NRXN3: variants seen among roughly 807,000 people sequenced by gnomAD.
NRXN3 encodes neurexin III.
In NRXN3, 32 loss-of-function variants were observed where a neutral mutation model predicts 137.6. The observed-to-expected ratio is 0.23, with a 90% CI of 0.18 to 0.31. NRXN3 has a LOEUF of 0.31. NRXN3 is among the 10% of genes least tolerant of loss of function. The pLI is 1.00. For synonymous variants in NRXN3, 798 were observed against 784.5 expected, an observed-to-expected ratio of 1.02 and a Z score of -0.29; for missense variants, 1,574 against 2,062.5, an observed-to-expected ratio of 0.76 and a Z score of 4.59.
chr14:79,064,707 TA>T (rs1230460838), intron 15 of NRXN3, among the ~76,000 whole-genome samples: 13 of 122,558 alleles, frequency 1.1e-4, no homozygotes, highest in Non-Finnish European at 2.4e-4. Context: ...TACCCATATA[TA>T]TTTTTCATAA....
chr14:78,258,822 G>A (rs1011418947), intron 2 of NRXN3, among the ~76,000 whole-genome samples: 2 of 152,108 alleles, frequency 1.3e-5, no homozygotes, highest in African/African-American at 4.8e-5. Flanking sequence ...CTTCAATGTA[G>A]TGAGGTCTGT....
At chr14:79,091,419 G>C (rs1395714503) in intron 15 of NRXN3, among the ~76,000 whole-genome samples, 1 of 152,110 alleles carries the variant, frequency 6.6e-6, no homozygotes. Flanking sequence ...CAAAATAGAA[G>C]TTGCATCTGG....
intron 15 of NRXN3, among the ~76,000 whole-genome samples, chr14:79,211,858 A>C (rs1407779273): frequency 6.6e-6 from 1 of 152,156 alleles, no homozygotes; most frequent in Non-Finnish European, 1.5e-5. Flanking sequence ...ATTTGCAGAT[A>C]AGACTCCCCT....
At chr14:78,834,957 A>C (rs2098992290) in intron 10 of NRXN3, among the ~76,000 whole-genome samples, 10 of 143,278 alleles carry the variant, frequency 7.0e-5, no homozygotes, top group East Asian at 2.1e-4. Context: ...CTCCCAACCC[A>C]CCCCCAGTCC....
intron 10 of NRXN3, among the ~76,000 whole-genome samples, chr14:78,881,102 G>A (rs563336970): frequency 6.6e-6 from 1 of 151,590 alleles, no homozygotes. Context: ...AGAAGGATGT[G>A]TTTGCTTCCC....
chr14:79,508,686 C>T (rs373717186), intron 16 of NRXN3, among the ~76,000 whole-genome samples: 37 of 151,994 alleles, frequency 2.4e-4, no homozygotes, highest in African/African-American at 8.7e-4. Flanking sequence ...GCCACCGCGC[C>T]TGGCCTAAAA....
chr14:79,277,874 G>C (rs17109019), intron 15 of NRXN3, among the ~76,000 whole-genome samples: 2,094 of 152,252 alleles, frequency 0.014, 55 homozygotes, highest in African/African-American at 0.047. Flanking sequence ...CATTTACTAC[G>C]GGCAGCTTGA....
intron 15 of NRXN3, among the ~76,000 whole-genome samples, chr14:79,452,638 G>C (rs185931397): frequency 6.6e-6 from 1 of 152,186 alleles, no homozygotes; most frequent in Non-Finnish European, 1.5e-5. Flanking sequence ...TGAAGAACAA[G>C]TAAGAAACTT....
At chr14:78,532,914 C>T (rs1230955657) in intron 4 of NRXN3, among the ~76,000 whole-genome samples, 2 of 152,088 alleles carry the variant, frequency 1.3e-5, no homozygotes, top group Non-Finnish European at 2.9e-5. Flanking sequence ...TCTATCTCAG[C>T]TAGCTGTCTC....
At chr14:79,466,513 A>C (rs1417990920) in intron 15 of NRXN3, among the ~76,000 whole-genome samples, 2 of 152,158 alleles carry the variant, frequency 1.3e-5, no homozygotes, top group African/African-American at 4.8e-5. Flanking sequence ...GCTTGAACCC[A>C]GGAGGCAAAG....
Position 78,206,643 on chromosome 14 carries a change from C to T in NRXN3, c.-703-35748C>T, listed in dbSNP as rs370694808. 4.4e-4 allele frequency among the ~76,000 whole-genome samples: 67 copies of T among 152,260 alleles called. 1 individual carries two copies. In the South Asian group the frequency reaches 0.014, roughly 31 times the overall value. ...GTAGGGCAGCTGGCAGGACTACCGCCTGCACTCCTTCCCTGGAGTTACTGT... is the reference window on the plus strand; with the variant it reads ...GTAGGGCAGCTGGCAGGACTACCGCTTGCACTCCTTCCCTGGAGTTACTGT... On this transcript the variant is annotated intron_variant, in intron 1 of 20. Coordinates refer to ENST00000335750, the MANE Select transcript of NRXN3 (RefSeq NM_001330195.2).
rs147562091 is a variant in NRXN3, at chr14:79,015,275, G to A, written c.3262+27134G>A. Among the ~76,000 whole-genome samples the A allele has an allele frequency of 6.4e-3, 972 of 152,202 alleles. 49 individuals are homozygous for A. The highest frequency in any genetic ancestry group is 0.056 in the Admixed American group (863 of 15,276). On this transcript the variant is annotated intron_variant, in intron 15 of 20. Coordinates refer to ENST00000335750, the MANE Select transcript of NRXN3 (RefSeq NM_001330195.2). ...CGTAACTGAATGACCCTGAGCAAAC[G>A]GTTTAACCTTTCTATAATTAACAGG...
chr14:78,859,805 C>T (rs964113022), intron 10 of NRXN3, among the ~76,000 whole-genome samples: 4 of 152,090 alleles, frequency 2.6e-5, no homozygotes, highest in African/African-American at 9.7e-5. Context: ...TTTCTTCACA[C>T]TTTGGTCTGT....
chr14:79,475,653 T>C (rs1209355299), intron 16 of NRXN3, among the ~76,000 whole-genome samples: 1 of 152,102 alleles, frequency 6.6e-6, no homozygotes, highest in Non-Finnish European at 1.5e-5. Flanking sequence ...TCCTGGCATA[T>C]AGTGAGCTTT....
intron 4 of NRXN3, among the ~76,000 whole-genome samples, chr14:78,548,798 A>G (rs955666078): frequency 1.3e-5 from 2 of 152,100 alleles, no homozygotes; most frequent in African/African-American, 4.8e-5. Flanking sequence ...GCACGTTCCC[A>G]TCAAATGCTT....
chr14:78,369,626 A>G (rs543598386), intron 4 of NRXN3, among the ~76,000 whole-genome samples: 26 of 152,304 alleles, frequency 1.7e-4, no homozygotes, highest in African/African-American at 6.0e-4. Flanking sequence ...ATGTGTTTTA[A>G]CAGTTACTTA....
chr14:78,428,518 T>A (rs8017625), intron 4 of NRXN3, among the ~76,000 whole-genome samples: 17,420 of 152,000 alleles, frequency 0.11, 1,406 homozygotes, highest in African/African-American at 0.22. Context: ...AATATGCCTC[T>A]CTCCTATTGA....
chr14:78,263,789 G>A (rs981817102), intron 2 of NRXN3, among the ~76,000 whole-genome samples: 1 of 151,628 alleles, frequency 6.6e-6, no homozygotes, highest in Non-Finnish European at 1.5e-5. Flanking sequence ...TCTAAATTTT[G>A]TCAAGAATGT....
intron 7 of NRXN3, 98 bp from the exon 8 acceptor site, chr14:78,714,658 T>A (rs1181188830): frequency 1.5e-6 from 2 of 1,337,890 alleles, no homozygotes; most frequent in East Asian, 4.6e-5. Flanking sequence ...TGTTCTCTCC[T>A]GGCCAGCCAA....
Sources: gnomAD v4.1 joint callset for allele counts (sites outside exome capture counted in the v4.1 genomes callset) on GRCh38, gnomAD v4.1.1 for gene constraint, MANE v1.5 for transcripts, NCBI Gene and HGNC (gene_info 2026-07-23, HGNC 2026-07-21) for gene names.